The following VAMP7 variants were observed in gnomAD, a reference collection of about 807,000 sequenced individuals.
VAMP7 encodes the protein vesicle associated membrane protein 7, also known as vesicle-associated membrane protein 7.
VAMP7 carries 14 observed loss-of-function variants against 29.6 expected under a neutral mutation model. That is an observed-to-expected ratio of 0.47 (90% CI 0.31 to 0.74). The LOEUF (loss-of-function observed/expected upper bound fraction) is 0.74. VAMP7 is among the 30% of genes least tolerant of loss of function. The probability of loss-of-function intolerance (pLI) is 0.05; values close to 1 mark genes in which losing one functional copy is unlikely to be tolerated. For missense variants in VAMP7, 223 were observed against 262.4 expected (o/e 0.85, Z 1.04); for synonymous variants, 95 against 88.1 (o/e 1.08, Z -0.44).
At chrX:155,886,857 C>G (rs1233289656) in intron 1 of VAMP7, among the ~76,000 whole-genome samples, 1 of 152,178 alleles carries the variant, frequency 6.6e-6, no homozygotes, top group East Asian at 1.9e-4. Context: ...AATGAACTTA[C>G]AGTCCACTGA....
At chrX:155,883,557 T>C (rs1303805882) in intron 1 of VAMP7, among the ~76,000 whole-genome samples, 1 of 152,200 alleles carries the variant, frequency 6.6e-6, no homozygotes, top group Non-Finnish European at 1.5e-5. Flanking sequence ...AATAATATAA[T>C]GATACAGAAT....
At chrX:155,916,376 G>T (rs1259512973) in intron 5 of VAMP7, among the ~76,000 whole-genome samples, 1 of 152,160 alleles carries the variant, frequency 6.6e-6, no homozygotes, top group African/African-American at 2.4e-5. Flanking sequence ...ATATTGTTAT[G>T]TGTGAATTTG....
chrX:155,899,846 G>A (rs141618842), intron 4 of VAMP7, among the ~76,000 whole-genome samples: 3 of 152,138 alleles, frequency 2.0e-5, no homozygotes, highest in South Asian at 2.1e-4. Context: ...TAATAGCATC[G>A]TTTCATAGAG....
chrX:155,916,459 T>C (rs1390630090), intron 5 of VAMP7, among the ~76,000 whole-genome samples: 4 of 152,240 alleles, frequency 2.6e-5, no homozygotes, highest in African/African-American at 7.2e-5. Context: ...GTTGATGGTC[T>C]TTACAGTTTG....
chrX:155,910,436 C>T (rs28791286), intron 5 of VAMP7, among the ~76,000 whole-genome samples: 7,330 of 152,198 alleles, frequency 0.048, 586 homozygotes, highest in African/African-American at 0.17. Flanking sequence ...GATATCCCGT[C>T]TATACACTGA....
chrX:155,889,690 AAAC>A, intron 2 of VAMP7, 78 bp downstream of exon 2: 1 of 1,488,810 alleles, frequency 6.7e-7, no homozygotes, highest in Non-Finnish European at 9.0e-7. Context: ...GAAAAGTAGA[AAAC>A]AAGCTTCTAG....
intron 2 of VAMP7, 161 bp downstream of exon 2, chrX:155,889,773 C>G: frequency 1.4e-6 from 1 of 699,718 alleles, no homozygotes; most frequent in Non-Finnish European, 2.2e-6. Flanking sequence ...GGTTTTGTTA[C>G]TTATAAATTT....
At chrX:155,937,795 A>G (rs1309399189) in intron 6 of VAMP7, among the ~76,000 whole-genome samples, 3 of 152,052 alleles carry the variant, frequency 2.0e-5, no homozygotes, top group Non-Finnish European at 4.4e-5. Flanking sequence ...TAGGTGTGTA[A>G]ATCAGTACCA....
intron 6 of VAMP7, among the ~76,000 whole-genome samples, chrX:155,932,612 A>G (rs181815659): frequency 2.8e-4 from 42 of 152,284 alleles, no homozygotes; most frequent in African/African-American, 1.0e-3. Flanking sequence ...TTGGGCTGAG[A>G]TAATGGGGTT....
At chrX:155,941,425 A>G (rs2376574) in intron 7 of VAMP7, among the ~76,000 whole-genome samples, 91,571 of 151,946 alleles carry the variant, frequency 0.6, 27,688 homozygotes, top group East Asian at 0.67. Context: ...CATAAGTGAT[A>G]TAGATGAAAG....
At chrX:155,913,614 A>G (rs1355484448) in intron 5 of VAMP7, among the ~76,000 whole-genome samples, 3 of 152,128 alleles carry the variant, frequency 2.0e-5, no homozygotes, top group South Asian at 2.1e-4. Flanking sequence ...TCCCAACACC[A>G]TTTATTAAAT....
chrX:155,909,201 G>T (rs752440442), intron 5 of VAMP7, among the ~76,000 whole-genome samples: 1 of 152,206 alleles, frequency 6.6e-6, no homozygotes, highest in South Asian at 2.1e-4. Flanking sequence ...TCTTGAGTCT[G>T]TTTAGCAGTT....
chrX:155,913,108 C>T (rs1602967742), intron 5 of VAMP7, among the ~76,000 whole-genome samples: 1 of 152,220 alleles, frequency 6.6e-6, no homozygotes, highest in South Asian at 2.1e-4. Flanking sequence ...TTTTGATTTG[C>T]ATTTCTCTAA....
At chrX:155,932,110 G>C (rs2066568177) in intron 6 of VAMP7, among the ~76,000 whole-genome samples, 1 of 152,126 alleles carries the variant, frequency 6.6e-6, no homozygotes, top group African/African-American at 2.4e-5. Context: ...GGTTACTGTA[G>C]CCTTGCAGTA....
chrX:155,931,340 G>T (rs1476938433), intron 6 of VAMP7, among the ~76,000 whole-genome samples: 1 of 152,172 alleles, frequency 6.6e-6, no homozygotes, highest in Non-Finnish European at 1.5e-5. Context: ...GTGTAAAAGT[G>T]TTCCTGTTTC....
chrX:155,912,415 C>A (rs2066250661), intron 5 of VAMP7, among the ~76,000 whole-genome samples: 1 of 151,950 alleles, frequency 6.6e-6, no homozygotes, highest in South Asian at 2.1e-4. Flanking sequence ...GAATGTGCAG[C>A]TTTGTTACAT....
Position 155,889,479 on chromosome X carries a change from T to C in VAMP7, c.13T>C (p.Phe5Leu). Residue 5 changes from phenylalanine (F) to leucine (L), a missense_variant, in exon 2 of 8, where the codon TTT becomes CTT. Physicochemically the swap from Phe to Leu is conservative, Grantham distance 22 (BLOSUM62 0). Transcript: ENST00000286448. ...ATAGACTGAAGCCATGGCGATTCTT[T>C]TTGCTGTTGTTGCCAGGGGGACCAC... MAIL[F>L]AVVARGTTIL... 1 of 1,613,606 alleles carries C rather than the reference T, an allele frequency of 6.2e-7. No homozygotes were observed. Among genetic ancestry groups the C allele is most frequent in the African/African-American group, 1.3e-5 (1 of 75,024 alleles).
At chrX:155,897,695 G>A (rs1001042057) in intron 3 of VAMP7, among the ~76,000 whole-genome samples, 5 of 152,094 alleles carry the variant, frequency 3.3e-5, no homozygotes, top group African/African-American at 1.2e-4. Context: ...TCGATTTGAA[G>A]TTAATATCAG....
At chrX:155,886,072 T>C (rs1236407363) in intron 1 of VAMP7, among the ~76,000 whole-genome samples, 6 of 152,146 alleles carry the variant, frequency 3.9e-5, no homozygotes, top group Admixed American at 3.9e-4. Flanking sequence ...TCCTTTATGT[T>C]GCATTATCTT....
Sources: allele counts gnomAD v4.1 joint callset (sites outside exome capture counted in the v4.1 genomes callset), GRCh38; gene constraint gnomAD v4.1.1; transcripts MANE v1.5; gene names NCBI Gene and HGNC (gene_info 2026-07-23, HGNC 2026-07-21).